The following NFATC2 variants were observed in gnomAD, a reference collection of about 807,000 sequenced individuals.
NFATC2 encodes nuclear factor of activated T cells 2.
In NFATC2, 22 loss-of-function variants were observed where a neutral mutation model predicts 87.3. The observed-to-expected ratio is 0.25, with a 90% CI of 0.18 to 0.36. NFATC2 has a LOEUF of 0.36. Ranked by LOEUF, NFATC2 falls within the 10% of genes least tolerant of loss-of-function variation. The probability of loss-of-function intolerance (pLI) is 1.00; values close to 1 mark genes in which losing one functional copy is unlikely to be tolerated. For synonymous variants in NFATC2, 565 were observed against 542.2 expected (o/e 1.04, Z -0.58); for missense variants, 1,149 against 1,259.1 (o/e 0.91, Z 1.32).
At chr20:51,420,932 G>A (rs183820884) in intron 9 of NFATC2, among the ~76,000 whole-genome samples, 2 of 152,082 alleles carry the variant, frequency 1.3e-5, no homozygotes, top group Admixed American at 6.5e-5. Context: ...ACCATAGCAG[G>A]CACCTACAGT....
At chr20:51,395,745 T>C (rs1568921252) in intron 10 of NFATC2, among the ~76,000 whole-genome samples, 1 of 152,026 alleles carries the variant, frequency 6.6e-6, no homozygotes, top group Non-Finnish European at 1.5e-5. Flanking sequence ...GACAAAGTCA[T>C]TTATATATAA....
chr20:51,398,419 G>A (rs1262895464), intron 10 of NFATC2, among the ~76,000 whole-genome samples: 6 of 152,040 alleles, frequency 3.9e-5, no homozygotes, highest in Non-Finnish European at 1.5e-5. Flanking sequence ...GCAAGTTAAT[G>A]GGGCCTCATC....
rs148134726 is a variant in NFATC2 at position 51,464,165 on chromosome 20, C to G, written c.1709-9477G>C. On this transcript the variant is annotated intron_variant, in intron 5 of 10. Coordinates refer to ENST00000371564, the MANE Select transcript of NFATC2 (RefSeq NM_012340.5). ...AGTGACAGGGTGGCAGCCAGAGGTA[C>G]GTAAAGCCTGCTTTACAGAACTACG... Among the ~76,000 whole-genome samples, 374 of 152,232 alleles carry G rather than the reference C, an allele frequency of 2.5e-3. 3 individuals carry two copies. The highest frequency in any genetic ancestry group is 8.4e-3 in the African/African-American group (350 of 41,552).
At chr20:51,522,271 T>C (rs1275517496) in intron 2 of NFATC2, among the ~76,000 whole-genome samples, 1 of 109,064 alleles carries the variant, frequency 9.2e-6, no homozygotes, top group Non-Finnish European at 1.7e-5. Context: ...AGGTGCTCAG[T>C]ACAAAAGCGG....
intron 3 of NFATC2, among the ~76,000 whole-genome samples, chr20:51,486,676 T>C (rs1396220197): frequency 2.7e-5 from 4 of 146,756 alleles, no homozygotes; most frequent in African/African-American, 1.0e-4. Flanking sequence ...AGATGTTCAA[T>C]AAATATTTGC....
intron 3 of NFATC2, among the ~76,000 whole-genome samples, chr20:51,512,092 G>A (rs1260194934): frequency 6.6e-6 from 1 of 152,200 alleles, no homozygotes; most frequent in East Asian, 1.9e-4. Flanking sequence ...GAGACAGAGA[G>A]CACGGAGGAG....
intron 1 of NFATC2, among the ~76,000 whole-genome samples, chr20:51,531,886 T>C (rs1324342891): frequency 6.6e-6 from 1 of 152,206 alleles, no homozygotes; most frequent in Non-Finnish European, 1.5e-5. Context: ...AAGGAAGACA[T>C]TTTTATAAAA....
Position 51,542,528 on chromosome 20 carries a change from C to A in NFATC2, c.-29G>T. The stretch of plus-strand genomic sequence containing the variant: ...GCGCAGGGCGGGAAGGCTGCGGGGC[C>A]GGGGGCGAGGGCGGGCGCGGCTGGC... On this transcript the variant is annotated 5_prime_UTR_variant, in exon 1 of 11. Coordinates refer to ENST00000371564, the MANE Select transcript of NFATC2 (RefSeq NM_012340.5). 1 of 1,365,966 alleles carries A rather than the reference C, an allele frequency of 7.3e-7. No individual in the cohort carries two copies. The highest frequency in any genetic ancestry group is 9.4e-7 in the Non-Finnish European group (1 of 1,061,638). The allele number at this position is 1,365,966 out of a possible 1,614,324, so 84.6% of individuals were successfully genotyped here.
Position 51,516,853 on chromosome 20 carries a change from C to A in NFATC2, c.1263G>T (p.Arg421=), listed in dbSNP as rs2076358563. 5 of 1,614,124 alleles carry A rather than the reference C, an allele frequency of 3.1e-6. No homozygotes were observed. The East Asian group carries it at 8.9e-5, about 29-fold the overall frequency. Residue 421 remains arginine, a synonymous_variant, in exon 3 of 11, where the codon CGG becomes CGT. Transcript: ENST00000371564. ...RIEVQPKPHH[R]AHYETEGSRG... is the part of the protein sequence containing the mutation. ...GGCTGCCTTCTGTCTCATAGTGGGC[C>A]CGGTGATGTGGCTTGGGCTGCACCT... is the stretch of plus-strand genomic sequence containing the variant.
In NFATC2 at chr20:51,523,625, G is replaced by A. The variant is rs1357965653; in HGVS notation, c.616C>T (p.Gln206Ter). 1 of 1,613,822 alleles carries A rather than the reference G, an allele frequency of 6.2e-7. No homozygotes were observed. The highest frequency in any genetic ancestry group is 8.5e-7 in the Non-Finnish European group (1 of 1,179,874). ...GGPDDLCPQF[Q>*]NIPAHYSPRT... The stretch of plus-strand genomic sequence containing the variant: ...GGGGAATAATGAGCAGGGATGTTTT[G>A]AAACTGCGGACACAGGTCGTCGGGC... Residue 206 changes from glutamine to a stop codon, truncating the protein, a stop_gained, in exon 2 of 11, where the codon CAA becomes TAA. Coordinates refer to ENST00000371564, the MANE Select transcript of NFATC2 (RefSeq NM_012340.5). LOFTEE classifies it high-confidence loss of function. This position sits in a 1 kb window ranked among gnomAD's most constrained non-coding sequence, Gnocchi z 6.9.
intron 3 of NFATC2, among the ~76,000 whole-genome samples, chr20:51,489,009 C>T (rs1391991248): frequency 1.3e-5 from 2 of 152,168 alleles, no homozygotes; most frequent in Non-Finnish European, 1.5e-5. Flanking sequence ...GCCAACATGG[C>T]GAAACCCCCG....
chr20:51,517,029 G>A (rs1214780985), intron 2 of NFATC2, 74 bp from the exon 3 acceptor site: 4 of 1,423,654 alleles, frequency 2.8e-6, no homozygotes, highest in South Asian at 1.4e-5. Context: ...ATTGTAAACG[G>A]CCCTTTCTGA....
At chr20:51,443,214 C>T (rs1022620076) in intron 6 of NFATC2, among the ~76,000 whole-genome samples, 5 of 152,210 alleles carry the variant, frequency 3.3e-5, no homozygotes, top group Non-Finnish European at 5.9e-5. Context: ...CTACTCCTCC[C>T]TTCCAGCCTG....
Position 51,432,224 on chromosome 20 carries a change from C to T in NFATC2, c.2565G>A (p.Leu855=). The T allele has an allele frequency of 6.2e-7, 1 of 1,613,814 alleles. No individual in the cohort carries two copies. Among genetic ancestry groups the T allele is most frequent in the Admixed American group, 1.7e-5 (1 of 59,992 alleles). Residue 855 remains leucine, a synonymous_variant, in exon 9 of 11, where the codon CTG becomes CTA. Transcript: ENST00000371564. The surrounding 1 kb of genome is among the most constrained non-coding windows in gnomAD (Gnocchi z 4.6). The part of the protein sequence containing the change: ...GPPPVSQGQR[L]SPGSYPTVIQ... ...TGACTGTGGGGTAGGAACCCGGGCT[C>T]AGCCTCTGACCTTGACTGACCGGGG...
At position 51,480,962 on chromosome 20, in the gene NFATC2, T is replaced by C. The variant is rs550838967; in HGVS notation, c.1333-5302A>G. 3.9e-5 allele frequency among the ~76,000 whole-genome samples: 6 copies of C among 152,308 alleles called. No individual in the cohort carries two copies. Among genetic ancestry groups the C allele is most frequent in the Admixed American group, 1.3e-4 (2 of 15,306 alleles). Reference sequence around the variant, plus strand: ...CCATATGGGAAAGCCCAGGCACTAATTGCAGTCTTCTCAGTGGGCTGGCTC... The same window carrying C: ...CCATATGGGAAAGCCCAGGCACTAACTGCAGTCTTCTCAGTGGGCTGGCTC... On this transcript the variant is annotated intron_variant, in intron 3 of 10. Transcript: ENST00000371564. The surrounding 1 kb of genome is among the most constrained non-coding windows in gnomAD (Gnocchi z 4.2).
intron 6 of NFATC2, among the ~76,000 whole-genome samples, chr20:51,440,132 G>C (rs769780611): frequency 1.3e-5 from 2 of 151,262 alleles, no homozygotes; most frequent in Non-Finnish European, 2.9e-5. Flanking sequence ...AGCTACTTGG[G>C]GAGCTGAGGC....
intron 5 of NFATC2, among the ~76,000 whole-genome samples, chr20:51,462,154 G>T (rs1438490835): frequency 6.6e-6 from 1 of 151,694 alleles, no homozygotes; most frequent in Non-Finnish European, 1.5e-5. Context: ...GAAATAACAG[G>T]CCGGGCAGGG....
chr20:51,400,194 T>A (rs1462711638), intron 9 of NFATC2, among the ~76,000 whole-genome samples: 1 of 151,982 alleles, frequency 6.6e-6, no homozygotes, highest in Admixed American at 6.5e-5. Flanking sequence ...TTGGAACTGA[T>A]GTTAGAGCAC....
intron 6 of NFATC2, among the ~76,000 whole-genome samples, chr20:51,449,404 T>C (rs1297051699): frequency 1.3e-5 from 2 of 152,108 alleles, no homozygotes; most frequent in African/African-American, 4.8e-5. Context: ...GCCCACCGTG[T>C]CCCTAACACC....
Sources: allele counts gnomAD v4.1 joint callset (sites outside exome capture counted in the v4.1 genomes callset), GRCh38; gene constraint gnomAD v4.1.1; non-coding constraint Gnocchi (gnomAD v3.1); transcripts MANE v1.5; gene names NCBI Gene and HGNC (gene_info 2026-07-23, HGNC 2026-07-21).